Variants in ADAD1 observed in about 807,000 individuals in gnomAD.
ADAD1 encodes adenosine deaminase domain-containing protein 1.
Under a neutral mutation model 66.8 loss-of-function variants are expected in ADAD1, and 46 were observed. The observed-to-expected ratio is 0.69, with a 90% CI of 0.54 to 0.88. The LOEUF (loss-of-function observed/expected upper bound fraction) is 0.88, where lower values mean the gene tolerates loss of function less well. ADAD1 is among the 40% of genes least tolerant of loss of function. The pLI is 0.00. For synonymous variants in ADAD1, 248 were observed against 229.4 expected (o/e 1.08, Z -0.73); for missense variants, 617 against 681.8 (o/e 0.91, Z 1.06).
chr4:122,417,155 C>T (rs532876201), intron 11 of ADAD1, among the ~76,000 whole-genome samples: 6 of 151,638 alleles, frequency 4.0e-5, no homozygotes, highest in Admixed American at 1.3e-4. Flanking sequence ...ACCAATATGG[C>T]GAAACCCCAT....
At chr4:122,385,473 A>G (rs1210153866) in intron 5 of ADAD1, among the ~76,000 whole-genome samples, 3 of 152,046 alleles carry the variant, frequency 2.0e-5, no homozygotes, top group Non-Finnish European at 4.4e-5. Flanking sequence ...GGGTTTCACC[A>G]TGTTGGCCAG....
intron 12 of ADAD1, among the ~76,000 whole-genome samples, chr4:122,423,526 G>T (rs1171811644): frequency 6.6e-6 from 1 of 152,180 alleles, no homozygotes; most frequent in East Asian, 1.9e-4. Context: ...TCAGAAGATG[G>T]TAGAAGTTTT....
At chr4:122,418,903 G>A (rs1172523298) in intron 11 of ADAD1, among the ~76,000 whole-genome samples, 2 of 152,160 alleles carry the variant, frequency 1.3e-5, no homozygotes, top group Non-Finnish European at 2.9e-5. Context: ...GTTGTGGAGA[G>A]AAAGGAACAC....
intron 4 of ADAD1, 118 bp downstream of exon 4, chr4:122,381,298 A>G (rs2150525400): frequency 9.7e-7 from 1 of 1,026,882 alleles, no homozygotes. Context: ...ATGTTTTCAC[A>G]AGAATACTTA....
chr4:122,428,876 T>A (rs1446022717), intron 12 of ADAD1, among the ~76,000 whole-genome samples: 1 of 152,092 alleles, frequency 6.6e-6, no homozygotes, highest in Non-Finnish European at 1.5e-5. Context: ...ACAATGCACT[T>A]AACAATGGAT....
intron 6 of ADAD1, among the ~76,000 whole-genome samples, chr4:122,394,115 C>G (rs1383046): frequency 0.17 from 25,100 of 151,898 alleles, 2,796 homozygotes; most frequent in Non-Finnish European, 0.22. Flanking sequence ...CTCTGTGTAC[C>G]TTTTTTACTC....
chr4:122,381,854 G>A (rs1000656486), intron 4 of ADAD1, among the ~76,000 whole-genome samples: 2 of 152,068 alleles, frequency 1.3e-5, no homozygotes, highest in Non-Finnish European at 2.9e-5. Flanking sequence ...ATATGTACAT[G>A]TGTGTGTGTT....
At chr4:122,400,165 C>T (rs897076940) in intron 7 of ADAD1, among the ~76,000 whole-genome samples, 1 of 152,002 alleles carries the variant, frequency 6.6e-6, no homozygotes, top group African/African-American at 2.4e-5. Flanking sequence ...CTTTTATTAC[C>T]TTAAGGTATG....
intron 12 of ADAD1, 33 bp from the exon 13 acceptor site, chr4:122,429,592 AT>A: frequency 1.4e-6 from 2 of 1,390,654 alleles, no homozygotes; most frequent in Non-Finnish European, 2.0e-6. Context: ...AATGCTGCCT[AT>A]TTTCTATAAT....
chr4:122,410,414 C>A (rs987935730), intron 8 of ADAD1, among the ~76,000 whole-genome samples: 1 of 151,950 alleles, frequency 6.6e-6, no homozygotes, highest in African/African-American at 2.4e-5. Flanking sequence ...ATTAAATAAG[C>A]AAAATAGTAT....
Position 122,407,997 on chromosome 4 carries a change from C to T in ADAD1, c.814C>T (p.His272Tyr), listed in dbSNP as rs892785778. The T allele has an allele frequency of 1.9e-6, 3 of 1,613,454 alleles. No homozygotes were observed. The highest frequency in any genetic ancestry group is 2.2e-5 in the South Asian group (2 of 91,014). The change falls in exon 8 of 13, where the codon CAT becomes TAT. Residue 272 changes from histidine to tyrosine, a missense_variant. His to Tyr is a moderately conservative substitution (Grantham distance 83). Coordinates refer to ENST00000296513, the MANE Select transcript of ADAD1 (RefSeq NM_139243.4). The part of the protein sequence containing the change: ...KPDGRVLHDT[H>Y]AVVTARRSLL... ...AGATGGAAGAGTATTGCATGACACT[C>T]ATGCTGTTGTTACAGCAAGAAGGTC...
chr4:122,389,942 A>G (rs1795356207), intron 5 of ADAD1, among the ~76,000 whole-genome samples: 2 of 152,032 alleles, frequency 1.3e-5, no homozygotes, highest in South Asian at 4.1e-4. Context: ...GCACTAGTTT[A>G]TTCATAGTGT....
In ADAD1 at chr4:122,421,277, G is replaced by A. The variant is rs758118505; in HGVS notation, c.1504G>A (p.Gly502Ser). ...TCTGCTTAGTTCCCCATTTAAAAGT[G>A]GTATGTCAATGGCAAGTCGGCTTTG... The part of the protein sequence containing the change: ...KITESSPFKS[G>S]MSMASRLCKA... The change falls in exon 12 of 13, where the codon GGT becomes AGT. Residue 502 changes from glycine (G) to serine (S), a missense_variant. Physicochemically the swap from Gly to Ser is moderately conservative, Grantham distance 56 (BLOSUM62 0). Transcript: ENST00000296513. The A allele has an allele frequency of 3.1e-6, 5 of 1,598,398 alleles. No homozygotes were observed. Among genetic ancestry groups the A allele is most frequent in the South Asian group, 2.3e-5 (2 of 88,442 alleles).
chr4:122,412,022 T>C (rs12499753), intron 9 of ADAD1, among the ~76,000 whole-genome samples: 44,155 of 151,962 alleles, frequency 0.29, 7,564 homozygotes, highest in East Asian at 0.48. Context: ...TAGCATAACA[T>C]TTAAACAGTA....
At chr4:122,399,759 A>G (rs1195175253) in intron 7 of ADAD1, among the ~76,000 whole-genome samples, 12 of 65,068 alleles carry the variant, frequency 1.8e-4, no homozygotes, top group Non-Finnish European at 1.3e-4. Flanking sequence ...TTTTTTTTTT[A>G]GCTGTTGTAA....
intron 7 of ADAD1, among the ~76,000 whole-genome samples, chr4:122,406,830 G>A (rs374240938): frequency 1.1e-4 from 16 of 152,178 alleles, no homozygotes; most frequent in Non-Finnish European, 2.1e-4. Context: ...ATTTCAGCTC[G>A]TTAGGGAGGG....
intron 7 of ADAD1, among the ~76,000 whole-genome samples, chr4:122,399,346 T>C (rs1313965694): frequency 6.6e-6 from 1 of 152,046 alleles, no homozygotes; most frequent in Non-Finnish European, 1.5e-5. Context: ...GCGTGCCTAG[T>C]TGTATACCAA....
intron 5 of ADAD1, among the ~76,000 whole-genome samples, chr4:122,386,545 T>C (rs1795181571): frequency 6.6e-6 from 1 of 152,214 alleles, no homozygotes; most frequent in Admixed American, 6.5e-5. Flanking sequence ...TTTAATTAGA[T>C]CACATTTGTC....
chr4:122,428,895 T>C (rs1797383131), intron 12 of ADAD1, among the ~76,000 whole-genome samples: 1 of 152,158 alleles, frequency 6.6e-6, no homozygotes, highest in South Asian at 2.1e-4. Context: ...ATGAATTTCA[T>C]GGTATGTAAA....
Sources: allele counts gnomAD v4.1 joint callset (sites outside exome capture counted in the v4.1 genomes callset), GRCh38; gene constraint gnomAD v4.1.1; transcripts MANE v1.5; gene names NCBI Gene and HGNC (gene_info 2026-07-23, HGNC 2026-07-21).